The following PLD5 variants were observed in gnomAD, a reference collection of about 807,000 sequenced individuals.
PLD5 encodes inactive phospholipase D5.
PLD5 carries 36 observed loss-of-function variants against 61.1 expected under a neutral mutation model. The ratio of observed to expected loss-of-function variants is 0.59; its 90% CI spans 0.45 to 0.78. The LOEUF (loss-of-function observed/expected upper bound fraction) is 0.78, where lower values mean the gene tolerates loss of function less well. Among genes scored for constraint, PLD5 ranks in the 30% least tolerant of loss-of-function variants. The pLI is 0.00. For missense variants in PLD5, 515 were observed against 644.4 expected (o/e 0.80, Z 2.17); for synonymous variants, 243 against 242.8 (o/e 1.00, Z -0.01).
chr1:242,387,577 G>A (rs1480610678), intron 1 of PLD5, among the ~76,000 whole-genome samples: 2 of 150,702 alleles, frequency 1.3e-5, no homozygotes, highest in African/African-American at 4.9e-5. Context: ...ATGTATATAA[G>A]GGTTCAGTTT....
chr1:242,401,004 G>T (rs994016117), intron 1 of PLD5, among the ~76,000 whole-genome samples: 2 of 152,046 alleles, frequency 1.3e-5, no homozygotes, highest in African/African-American at 4.8e-5. Context: ...TGTTCTAACT[G>T]CCCACTGAAC....
chr1:242,470,138 G>A (rs572998067), intron 1 of PLD5, among the ~76,000 whole-genome samples: 1 of 152,090 alleles, frequency 6.6e-6, no homozygotes, highest in Admixed American at 6.5e-5. Context: ...TCAGGAGATC[G>A]AGACCATCCT....
intron 1 of PLD5, among the ~76,000 whole-genome samples, chr1:242,406,390 C>T (rs868512001): frequency 6.6e-6 from 1 of 152,210 alleles, no homozygotes; most frequent in Admixed American, 6.5e-5. Context: ...GTGAGGCACT[C>T]AGAAATGTCT....
intron 1 of PLD5, among the ~76,000 whole-genome samples, chr1:242,413,609 T>A (rs954735878): frequency 1.3e-5 from 2 of 152,192 alleles, no homozygotes; most frequent in African/African-American, 4.8e-5. Flanking sequence ...TAAATGCATC[T>A]ACATATAAGT....
chr1:242,324,309 T>C (rs570702966), intron 2 of PLD5, among the ~76,000 whole-genome samples: 14 of 152,208 alleles, frequency 9.2e-5, no homozygotes, highest in Non-Finnish European at 7.4e-5. Context: ...ACAAAGGCAG[T>C]ACAGAATTTC....
At position 242,086,498 on chromosome 1, in the gene PLD5, A is replaced by G. The variant is rs1659484475; in HGVS notation, c.*3356T>C. ...CAATGGTTGGACAAGCAGAGATTCA[A>G]TTATTTGATAGGCTAGTGGCCAGTG... On this transcript the variant is annotated 3_prime_UTR_variant, in exon 10 of 10. Coordinates refer to ENST00000536534, the MANE Select transcript of PLD5 (RefSeq NM_001372062.1). 1 of 152,106 alleles carries G rather than the reference A, an allele frequency of 6.6e-6. No individual in the cohort carries two copies. Among genetic ancestry groups the G allele is most frequent in the Admixed American group, 6.6e-5 (1 of 15,262 alleles). The allele number at this position is 152,106 out of a possible 1,614,324, so 9.4% of individuals were successfully genotyped here. A position where few individuals can be genotyped will look rare whatever the true frequency, so the allele number is the denominator to read the frequency against.
At chr1:242,300,720 C>G (rs116659331) in intron 2 of PLD5, among the ~76,000 whole-genome samples, 1 of 151,504 alleles carries the variant, frequency 6.6e-6, no homozygotes, top group African/African-American at 2.4e-5. Context: ...ACGAGGATGA[C>G]CCCTGATGTT....
At chr1:242,142,495 CCA>C (rs1283726939) in intron 5 of PLD5, among the ~76,000 whole-genome samples, 2 of 152,126 alleles carry the variant, frequency 1.3e-5, no homozygotes, top group Non-Finnish European at 1.5e-5. Context: ...GCCTATTTTT[CCA>C]CTTAATTTTG....
chr1:242,162,198 C>A (rs751605510), intron 5 of PLD5, among the ~76,000 whole-genome samples: 4 of 152,104 alleles, frequency 2.6e-5, no homozygotes, highest in Non-Finnish European at 5.9e-5. Flanking sequence ...ATTGACATCA[C>A]AGAACGAAAG....
intron 1 of PLD5, among the ~76,000 whole-genome samples, chr1:242,459,029 C>CA (rs1157678163): frequency 6.6e-6 from 1 of 151,960 alleles, no homozygotes; most frequent in Non-Finnish European, 1.5e-5. Context: ...GGATAAATGG[C>CA]AAAAAAATTC....
At chr1:242,320,658 A>G (rs1658331373) in intron 2 of PLD5, among the ~76,000 whole-genome samples, 1 of 152,164 alleles carries the variant, frequency 6.6e-6, no homozygotes. Flanking sequence ...CCTTTGAGAC[A>G]TGATAATATG....
intron 5 of PLD5, among the ~76,000 whole-genome samples, chr1:242,177,338 TCTCA>T (rs1165380115): frequency 6.6e-6 from 1 of 152,080 alleles, no homozygotes; most frequent in African/African-American, 2.4e-5. Flanking sequence ...CACCACATGT[TCTCA>T]CTCATAAGTG....
intron 3 of PLD5, among the ~76,000 whole-genome samples, chr1:242,285,062 G>A (rs564446589): frequency 3.3e-5 from 5 of 152,264 alleles, no homozygotes; most frequent in Admixed American, 6.5e-5. Flanking sequence ...TTCTAAACTA[G>A]GTCTCTTCCT....
chr1:242,484,060 A>G (rs1457343941), intron 1 of PLD5, among the ~76,000 whole-genome samples: 5 of 152,292 alleles, frequency 3.3e-5, no homozygotes, highest in African/African-American at 7.2e-5. Flanking sequence ...ATTCAAAGCC[A>G]TGTGTAGAGG....
chr1:242,094,736 A>T (rs1030615018), intron 9 of PLD5, among the ~76,000 whole-genome samples: 3 of 152,144 alleles, frequency 2.0e-5, no homozygotes, highest in African/African-American at 7.2e-5. Flanking sequence ...GATCGGAGAC[A>T]GTGTTAGGAG....
chr1:242,409,266 T>C (rs1374127613), intron 1 of PLD5, among the ~76,000 whole-genome samples: 1 of 152,110 alleles, frequency 6.6e-6, no homozygotes, highest in Non-Finnish European at 1.5e-5. Flanking sequence ...GCAAGTACAA[T>C]AAATACTTTG....
chr1:242,452,173 G>A (rs571685157), intron 1 of PLD5, among the ~76,000 whole-genome samples: 2 of 151,956 alleles, frequency 1.3e-5, no homozygotes, highest in East Asian at 1.9e-4. Context: ...GTGCTTTTTC[G>A]GCAATGAAAA....
At chr1:242,398,648 T>G (rs1663742732) in intron 1 of PLD5, among the ~76,000 whole-genome samples, 1 of 148,656 alleles carries the variant, frequency 6.7e-6, no homozygotes, top group South Asian at 2.2e-4. Context: ...TCTTGTTATA[T>G]TAGCTTTGCG....
chr1:242,345,494 A>C (rs1660079121), intron 2 of PLD5: 14 of 742,084 alleles, frequency 1.9e-5, no homozygotes, highest in South Asian at 1.8e-4. Flanking sequence ...GTTGCTAAAA[A>C]CATTGGCAAG....
Sources: allele counts gnomAD v4.1 joint callset (sites outside exome capture counted in the v4.1 genomes callset), GRCh38; gene constraint gnomAD v4.1.1; transcripts MANE v1.5; gene names NCBI Gene and HGNC (gene_info 2026-07-23, HGNC 2026-07-21).